Variants in TRHDE observed in about 807,000 individuals in gnomAD.
The protein encoded by TRHDE is thyrotropin-releasing hormone-degrading ectoenzyme.
A neutral mutation model predicts 125.7 loss-of-function variants in TRHDE; 72 were observed. The ratio of observed to expected loss-of-function variants is 0.57; its 90% CI spans 0.47 to 0.70. The LOEUF is 0.70. Among genes scored for constraint, TRHDE ranks in the 30% least tolerant of loss-of-function variants. The probability of loss-of-function intolerance (pLI) is 0.00; values close to 1 mark genes in which losing one functional copy is unlikely to be tolerated. For missense variants in TRHDE, 1,110 were observed against 1,327.1 expected, an observed-to-expected ratio of 0.84 and a Z score of 2.54; for synonymous variants, 509 against 509.1, an observed-to-expected ratio of 1.00 and a Z score of 0.00.
chr12:72,502,295 T>C (rs748289966), intron 6 of TRHDE, among the ~76,000 whole-genome samples: 3 of 152,126 alleles, frequency 2.0e-5, no homozygotes, highest in Non-Finnish European at 4.4e-5. Context: ...CTTTATTCAG[T>C]AAATTTTTTC....
chr12:72,548,859 T>C (rs1245370805), intron 7 of TRHDE, among the ~76,000 whole-genome samples: 3 of 151,758 alleles, frequency 2.0e-5, no homozygotes, highest in Middle Eastern at 3.2e-3. Flanking sequence ...CACCAGGGTA[T>C]TGAAATTATA....
intron 5 of TRHDE, among the ~76,000 whole-genome samples, chr12:72,494,893 C>T: frequency 6.6e-6 from 1 of 151,920 alleles, no homozygotes; most frequent in East Asian, 1.9e-4. Flanking sequence ...TAGCACTCGC[C>T]TCTTATCTTA....
chr12:72,634,572 A>T (rs544995427), intron 15 of TRHDE, among the ~76,000 whole-genome samples: 1 of 152,140 alleles, frequency 6.6e-6, no homozygotes, highest in African/African-American at 2.4e-5. Context: ...ACATATGTAT[A>T]CATGTGCCAT....
At chr12:72,414,815 T>C (rs1873662764) in intron 3 of TRHDE, among the ~76,000 whole-genome samples, 1 of 152,112 alleles carries the variant, frequency 6.6e-6, no homozygotes, top group African/African-American at 2.4e-5. Context: ...GTTGATCTCT[T>C]TACATACATT....
intron 2 of TRHDE, among the ~76,000 whole-genome samples, chr12:72,358,520 A>G (rs1163357006): frequency 6.6e-6 from 1 of 151,604 alleles, no homozygotes; most frequent in Non-Finnish European, 1.5e-5. Context: ...GGTCGACAGT[A>G]GGCTATTAGT....
At chr12:72,356,778 G>C (rs1870844273) in intron 2 of TRHDE, among the ~76,000 whole-genome samples, 1 of 151,394 alleles carries the variant, frequency 6.6e-6, no homozygotes, top group Non-Finnish European at 1.5e-5. Context: ...GAGAGGTCAA[G>C]AATGACCTGA....
intron 2 of TRHDE, among the ~76,000 whole-genome samples, chr12:72,209,145 A>G (rs1169718201): frequency 1.3e-5 from 2 of 152,114 alleles, no homozygotes; most frequent in African/African-American, 4.8e-5. Flanking sequence ...TTGAAGCTGT[A>G]CCCTGCCATG....
intron 1 of TRHDE, among the ~76,000 whole-genome samples, chr12:72,094,600 T>C (rs1427112669): frequency 6.6e-6 from 1 of 152,240 alleles, no homozygotes; most frequent in East Asian, 1.9e-4. Context: ...TGAGAGGGGC[T>C]GGAGCTTAAG....
chr12:72,520,421 C>T (rs189678640), intron 6 of TRHDE, among the ~76,000 whole-genome samples: 14 of 152,176 alleles, frequency 9.2e-5, no homozygotes, highest in East Asian at 3.9e-4. Context: ...CCGACCGTCA[C>T]GCCTTTCTTT....
intron 2 of TRHDE, among the ~76,000 whole-genome samples, chr12:72,248,034 TG>T (rs1423617677): frequency 6.6e-6 from 1 of 152,228 alleles, no homozygotes; most frequent in Non-Finnish European, 1.5e-5. Context: ...TGTATGTGTA[TG>T]TGTGTACATA....
At chr12:72,533,723 G>GTTTTTTTTTTTTTTTGT (rs1868696845) in intron 6 of TRHDE, among the ~76,000 whole-genome samples, 1 of 97,896 alleles carries the variant, frequency 1.0e-5, no homozygotes. Context: ...TTTTCTATTT[G>GTTTTTTTTTTTTTTTGT]TTTTTTTTTT....
At chr12:72,253,611 A>G (rs993600705) in intron 2 of TRHDE, 1 of 152,172 alleles carries the variant, frequency 6.6e-6, no homozygotes, top group Non-Finnish European at 1.5e-5. Context: ...CCACACATGT[A>G]TAGCTTCCCT....
intron 5 of TRHDE, among the ~76,000 whole-genome samples, chr12:72,474,832 C>A (rs1047531065): frequency 2.0e-5 from 3 of 151,878 alleles, no homozygotes; most frequent in African/African-American, 7.2e-5. Flanking sequence ...TATAACTTCT[C>A]CAACATAAAT....
At chr12:72,160,004 A>G (rs1483788146) in intron 2 of TRHDE, among the ~76,000 whole-genome samples, 1 of 152,154 alleles carries the variant, frequency 6.6e-6, no homozygotes, top group Non-Finnish European at 1.5e-5. Context: ...TTGTGAAATT[A>G]TCTCCTCCTA....
At chr12:72,411,760 T>C (rs1359645980) in intron 3 of TRHDE, among the ~76,000 whole-genome samples, 1 of 152,116 alleles carries the variant, frequency 6.6e-6, no homozygotes, top group Non-Finnish European at 1.5e-5. Flanking sequence ...GTTATGTAAT[T>C]ATGAGTGGCA....
rs191830131 is a variant in TRHDE at position 72,534,421 on chromosome 12, T to C, written c.1723-7870T>C. Among the ~76,000 whole-genome samples the C allele has an allele frequency of 3.3e-5, 5 of 152,196 alleles. No homozygotes were observed. The East Asian group carries it at 9.7e-4, about 30-fold the overall frequency. On this transcript the variant is annotated intron_variant, in intron 6 of 18. Transcript: ENST00000261180. ...TGGTCCTCCTTGAATACCTTTTTGG[T>C]CTCCTATTATCTTGAGTATAGACCA...
At chr12:72,638,277 T>C (rs1376643869) in intron 15 of TRHDE, among the ~76,000 whole-genome samples, 3 of 151,130 alleles carry the variant, frequency 2.0e-5, no homozygotes, top group African/African-American at 7.3e-5. Flanking sequence ...TTTGTCTCTT[T>C]TGATCTTTGT....
At chr12:72,608,191 A>G (rs1872522393) in intron 12 of TRHDE, among the ~76,000 whole-genome samples, 1 of 152,148 alleles carries the variant, frequency 6.6e-6, no homozygotes, top group Admixed American at 6.6e-5. Context: ...CCCATGCGCC[A>G]TATGCCATTA....
chr12:72,260,507 C>T (rs746664878), intron 2 of TRHDE, among the ~76,000 whole-genome samples: 2 of 152,028 alleles, frequency 1.3e-5, no homozygotes, highest in Non-Finnish European at 2.9e-5. Flanking sequence ...AGCAACAATG[C>T]CTGAGCAGCA....
Sources: allele counts gnomAD v4.1 joint callset (sites outside exome capture counted in the v4.1 genomes callset), GRCh38; gene constraint gnomAD v4.1.1; transcripts MANE v1.5; gene names NCBI Gene and HGNC (gene_info 2026-07-23, HGNC 2026-07-21).